Variants in NAALADL2 observed in about 807,000 individuals in gnomAD.
The protein encoded by NAALADL2 is inactive N-acetylated-alpha-linked acidic dipeptidase-like protein 2.
A neutral mutation model predicts 87.2 loss-of-function variants in NAALADL2; 76 were observed. That is an observed-to-expected ratio of 0.87 (90% confidence interval 0.72 to 1.05). The LOEUF (loss-of-function observed/expected upper bound fraction) is 1.05, where lower values mean the gene tolerates loss of function less well. Ranked by LOEUF, NAALADL2 falls within the 50% of genes least tolerant of loss-of-function variation. The pLI is 0.00. For synonymous variants in NAALADL2, 354 were observed against 331.0 expected (o/e 1.07, Z -0.75); for missense variants, 1,089 against 945.8 (o/e 1.15, Z -1.99).
chr3:174,553,220 T>C (rs1314071387), intron 2 of NAALADL2, among the ~76,000 whole-genome samples: 1 of 152,180 alleles, frequency 6.6e-6, no homozygotes, highest in African/African-American at 2.4e-5. Context: ...GTAGGAGAGA[T>C]AAAAATGTAT....
intron 1 of NAALADL2, among the ~76,000 whole-genome samples, chr3:174,931,762 G>A (rs369345621): frequency 1.9e-4 from 29 of 152,268 alleles, no homozygotes; most frequent in African/African-American, 7.0e-4. Context: ...AAAGATCGTT[G>A]CAAGCATTTG....
chr3:175,143,562 A>T (rs1403444739), intron 2 of NAALADL2, among the ~76,000 whole-genome samples: 1 of 151,664 alleles, frequency 6.6e-6, no homozygotes, highest in Non-Finnish European at 1.5e-5. Flanking sequence ...AAAAAAAAAA[A>T]AAAAAAAAGA....
At chr3:175,210,409 TCTTA>T (rs1392009786) in intron 2 of NAALADL2, among the ~76,000 whole-genome samples, 1 of 151,826 alleles carries the variant, frequency 6.6e-6, no homozygotes, top group Non-Finnish European at 1.5e-5. Context: ...TACACTTTGA[TCTTA>T]CTTTTTTGTT....
chr3:174,727,830 A>G (rs1482708900), intron 2 of NAALADL2, among the ~76,000 whole-genome samples: 1 of 152,140 alleles, frequency 6.6e-6, no homozygotes, highest in African/African-American at 2.4e-5. Context: ...AGAGTATCAT[A>G]TGTAATAGTT....
intron 5 of NAALADL2, among the ~76,000 whole-genome samples, chr3:175,446,793 G>T (rs941792255): frequency 2.0e-5 from 3 of 152,096 alleles, no homozygotes; most frequent in Admixed American, 2.0e-4. Flanking sequence ...TTGTTCGGTG[G>T]TACAAACAGC....
intron 1 of NAALADL2, among the ~76,000 whole-genome samples, chr3:174,875,461 A>G (rs1027472455): frequency 2.6e-5 from 4 of 152,110 alleles, no homozygotes; most frequent in African/African-American, 4.8e-5. Flanking sequence ...AAGAATTTTT[A>G]TGTTTATGTA....
chr3:175,567,912 C>T (rs1481300728), intron 9 of NAALADL2, among the ~76,000 whole-genome samples: 27 of 152,060 alleles, frequency 1.8e-4, no homozygotes, highest in Non-Finnish European at 1.6e-4. Flanking sequence ...GACACAGTTT[C>T]GCCATGTTGG....
intron 2 of NAALADL2, among the ~76,000 whole-genome samples, chr3:175,147,706 C>T (rs1345785646): frequency 1.3e-5 from 2 of 152,116 alleles, no homozygotes; most frequent in Non-Finnish European, 2.9e-5. Flanking sequence ...TATATTACCA[C>T]CAACAGCGTG....
At chr3:175,445,498 T>G (rs1177478562) in intron 5 of NAALADL2, among the ~76,000 whole-genome samples, 1 of 152,134 alleles carries the variant, frequency 6.6e-6, no homozygotes, top group Non-Finnish European at 1.5e-5. Context: ...TTCCTTCTGC[T>G]CGGTTATGTG....
intron 10 of NAALADL2, among the ~76,000 whole-genome samples, chr3:175,596,442 T>C (rs1318795808): frequency 6.6e-6 from 1 of 152,034 alleles, no homozygotes; most frequent in African/African-American, 2.4e-5. Context: ...TCCTTATCCA[T>C]TGTAAATATA....
At chr3:175,747,889 T>C (rs774509210) in intron 12 of NAALADL2, among the ~76,000 whole-genome samples, 4 of 152,186 alleles carry the variant, frequency 2.6e-5, no homozygotes, top group Non-Finnish European at 5.9e-5. Context: ...ATTTCTAAAA[T>C]AAATGGACAG....
chr3:175,508,344 A>G (rs1730644541), intron 9 of NAALADL2, among the ~76,000 whole-genome samples: 1 of 152,170 alleles, frequency 6.6e-6, no homozygotes, highest in East Asian at 1.9e-4. Context: ...GGTGTCGACT[A>G]CCATCAACAC....
intron 1 of NAALADL2, among the ~76,000 whole-genome samples, chr3:174,923,693 A>G (rs2108368324): frequency 6.6e-6 from 1 of 152,278 alleles, no homozygotes; most frequent in Non-Finnish European, 1.5e-5. Context: ...GTTCTCAGGT[A>G]AAGAGAGAAC....
chr3:175,246,948 G>T (rs1748104199), intron 3 of NAALADL2, among the ~76,000 whole-genome samples: 1 of 152,102 alleles, frequency 6.6e-6, no homozygotes, highest in African/African-American at 2.4e-5. Flanking sequence ...GCAGTCTTGT[G>T]GTCTCAAGAG....
At chr3:174,819,303 A>C (rs1459324060) in intron 3 of NAALADL2, among the ~76,000 whole-genome samples, 1 of 151,768 alleles carries the variant, frequency 6.6e-6, no homozygotes, top group Non-Finnish European at 1.5e-5. Context: ...GAGGTCAAGC[A>C]ATCTGCCTTC....
chr3:174,925,256 A>G (rs1433349247), intron 1 of NAALADL2, among the ~76,000 whole-genome samples: 1 of 152,170 alleles, frequency 6.6e-6, no homozygotes, highest in Non-Finnish European at 1.5e-5. Context: ...TATAAGGTGT[A>G]AGGAAGGGAT....
At chr3:175,287,246 T>C (rs1755096085) in intron 4 of NAALADL2, among the ~76,000 whole-genome samples, 1 of 152,214 alleles carries the variant, frequency 6.6e-6, no homozygotes, top group Non-Finnish European at 1.5e-5. Context: ...TGGTTTGTTA[T>C]AAACAGTACT....
intron 5 of NAALADL2, among the ~76,000 whole-genome samples, chr3:175,410,379 A>T (rs1278670133): frequency 6.6e-6 from 1 of 152,192 alleles, no homozygotes; most frequent in African/African-American, 2.4e-5. Flanking sequence ...CAGATGGTTG[A>T]GTTGTAACCC....
chr3:175,669,839 T>C (rs2149839077), intron 11 of NAALADL2, among the ~76,000 whole-genome samples: 1 of 152,124 alleles, frequency 6.6e-6, no homozygotes, highest in Admixed American at 6.6e-5. Context: ...TTATCAGAAA[T>C]AGTAATAGTG....
Sources: gnomAD v4.1 joint callset for allele counts (sites outside exome capture counted in the v4.1 genomes callset) on GRCh38, gnomAD v4.1.1 for gene constraint, MANE v1.5 for transcripts, NCBI Gene and HGNC (gene_info 2026-07-23, HGNC 2026-07-21) for gene names.